Variants in NAV2 observed in about 807,000 individuals in gnomAD.
NAV2 encodes the protein helicase, APC down-regulated 1.
A neutral mutation model predicts 223.2 loss-of-function variants in NAV2; 54 were observed. The observed-to-expected ratio is 0.24, with a 90% CI of 0.19 to 0.30. The LOEUF (loss-of-function observed/expected upper bound fraction) is 0.30, where lower values mean the gene tolerates loss of function less well. Among genes scored for constraint, NAV2 ranks in the 10% least tolerant of loss-of-function variants. NAV2 has a pLI of 1.00. For synonymous variants in NAV2, 1,279 were observed against 1,239.3 expected, an observed-to-expected ratio of 1.03 and a Z score of -0.67; for missense variants, 2,806 against 3,147.5, an observed-to-expected ratio of 0.89 and a Z score of 2.60.
chr11:19,529,440 GC>G (rs11342978), intron 1 of NAV2, among the ~76,000 whole-genome samples: 8,587 of 152,246 alleles, frequency 0.056, 829 homozygotes, highest in African/African-American at 0.2. Flanking sequence ...CCTCTGGGAG[GC>G]CCCCCAATAC....
intron 1 of NAV2, among the ~76,000 whole-genome samples, chr11:19,609,407 A>G (rs1015701554): frequency 3.5e-4 from 53 of 152,346 alleles, no homozygotes; most frequent in African/African-American, 1.3e-3. Context: ...AGTCTGTAGA[A>G]ACACAATGAA....
At chr11:19,855,725 C>T (rs1007325042) in intron 3 of NAV2, among the ~76,000 whole-genome samples, 3 of 152,216 alleles carry the variant, frequency 2.0e-5, no homozygotes, top group Non-Finnish European at 4.4e-5. Context: ...CCTCAGGCCC[C>T]CTTCTGTCTC....
At position 20,018,353 on chromosome 11, in the gene NAV2, C is replaced by CAAA. The variant is rs34251713; in HGVS notation, c.2769-17587_2769-17585dup. Among the ~76,000 whole-genome samples the CAAA allele has an allele frequency of 1.7e-3, 146 of 87,302 alleles. 4 individuals carry two copies. Among genetic ancestry groups the CAAA allele is most frequent in the Middle Eastern group, 0.016 (2 of 128 alleles). 57.3% of individuals were successfully genotyped at this position (87,302 alleles called of 152,430 possible). A position where few individuals can be genotyped will look rare whatever the true frequency, so the allele number is the denominator to read the frequency against. Reference sequence around the variant, plus strand: ...TGGGCGACAGAGTGAGATTCCATCTCAAAAAAAAAAAAAAAAAAAAAGTGA... The same window carrying CAAA: ...TGGGCGACAGAGTGAGATTCCATCTCAAAAAAAAAAAAAAAAAAAAAAAAGTGA... On this transcript the variant is annotated intron_variant, in intron 11 of 37. Coordinates refer to ENST00000349880, the MANE Select transcript of NAV2 (RefSeq NM_145117.5).
chr11:19,903,167 G>A (rs1591159492), intron 6 of NAV2, among the ~76,000 whole-genome samples: 2 of 152,216 alleles, frequency 1.3e-5, no homozygotes, highest in South Asian at 2.1e-4. Flanking sequence ...TGTAGCCCAC[G>A]TGCCAGGGAG....
At chr11:19,389,963 G>A in intron 1 of NAV2, among the ~76,000 whole-genome samples, 1 of 152,220 alleles carries the variant, frequency 6.6e-6, no homozygotes, top group East Asian at 1.9e-4. Flanking sequence ...TCATGGCCCA[G>A]GCTGCTCTGT....
chr11:19,680,999 T>C lies in NAV2; in HGVS notation c.76-151485T>C, dbSNP rs1232930363. On this transcript the variant is annotated intron_variant, in intron 1 of 37. Transcript: ENST00000360655. ...GCACTTAGCGGGTGCCAGGCACTGT[T>C]CTAAGCATTTTACATTAAGTAATTA... 2.6e-5 allele frequency among the ~76,000 whole-genome samples: 4 copies of C among 152,356 alleles called. No homozygotes were observed. The East Asian group carries it at 7.7e-4, about 29-fold the overall frequency.
At chr11:20,108,128 T>G (rs2062302577) in intron 36 of NAV2, among the ~76,000 whole-genome samples, 1 of 152,226 alleles carries the variant, frequency 6.6e-6, no homozygotes, top group African/African-American at 2.4e-5. Context: ...CTTCACAGTT[T>G]GCAAAATATT....
upstream of NAV2, among the ~76,000 whole-genome samples, chr11:19,346,187 C>G (rs1852995827): frequency 3.3e-5 from 5 of 152,160 alleles, no homozygotes; most frequent in South Asian, 1.0e-3. Context: ...CGTCTGTGAT[C>G]TGAGCTTCTG....
At chr11:19,411,726 G>T (rs553417978) in intron 1 of NAV2, among the ~76,000 whole-genome samples, 7 of 152,194 alleles carry the variant, frequency 4.6e-5, no homozygotes, top group African/African-American at 1.4e-4. Context: ...ATAGCCAAGG[G>T]CTATCTAAAT....
chr11:20,047,067 A>AT (rs1289261200), intron 14 of NAV2, among the ~76,000 whole-genome samples: 17 of 151,732 alleles, frequency 1.1e-4, no homozygotes, highest in African/African-American at 2.4e-4. Flanking sequence ...TTCAGTAACG[A>AT]TTTTTTTTTC....
At position 19,939,725 on chromosome 11, in the gene NAV2, C is replaced by T. The variant is rs1182707370; in HGVS notation, c.2098C>T (p.Pro700Ser). The T allele has an allele frequency of 1.9e-6, 3 of 1,614,110 alleles. No individual in the cohort carries two copies. The highest frequency in any genetic ancestry group is 1.7e-6 in the Non-Finnish European group (2 of 1,179,996). The change falls in exon 8 of 38, where the codon CCC (proline) becomes TCC (serine). Residue 700 changes from proline (P) to serine (S), a missense_variant. By Grantham distance (74) the Pro-to-Ser change is moderately conservative. Coordinates refer to ENST00000349880, the MANE Select transcript of NAV2 (RefSeq NM_145117.5). ...AAGCTCAACAGGTGTGAGCGTGGAG[C>T]CCAGCCACTTCACCAAGACTGGACA... is the stretch of plus-strand genomic sequence containing the variant. ...ESSSTGVSVE[P>S]SHFTKTGQPA...
At chr11:19,878,054 G>A (rs902997967) in intron 4 of NAV2, among the ~76,000 whole-genome samples, 2 of 152,154 alleles carry the variant, frequency 1.3e-5, no homozygotes, top group Non-Finnish European at 2.9e-5. Context: ...AGACTGAGGG[G>A]CTGGCCCACC....
chr11:20,043,362 T>C (rs1198670796), intron 12 of NAV2, among the ~76,000 whole-genome samples: 1 of 152,234 alleles, frequency 6.6e-6, no homozygotes, highest in African/African-American at 2.4e-5. Context: ...CATCTCCATC[T>C]GCTCTGCCCC....
chr11:19,446,200 A>C (rs984991755), intron 1 of NAV2, among the ~76,000 whole-genome samples: 2 of 152,192 alleles, frequency 1.3e-5, no homozygotes, highest in African/African-American at 4.8e-5. Flanking sequence ...AGGTAATGAA[A>C]GTGGAACCAA....
intron 1 of NAV2, among the ~76,000 whole-genome samples, chr11:19,681,868 G>T (rs972420166): frequency 6.6e-6 from 1 of 152,148 alleles, no homozygotes; most frequent in Non-Finnish European, 1.5e-5. Context: ...CAGGTGTCTG[G>T]CAGCCTCAGG....
At chr11:19,609,668 C>T (rs1367217498) in intron 1 of NAV2, among the ~76,000 whole-genome samples, 1 of 152,214 alleles carries the variant, frequency 6.6e-6, no homozygotes, top group Non-Finnish European at 1.5e-5. Flanking sequence ...AGACTAACCA[C>T]TGCATGCCTC....
chr11:20,079,898 A>G (rs1262693309), intron 24 of NAV2, among the ~76,000 whole-genome samples, 166 bp from the exon 25 acceptor site: 1 of 152,192 alleles, frequency 6.6e-6, no homozygotes, highest in Non-Finnish European at 1.5e-5. Flanking sequence ...CAATGCACTC[A>G]CCTATTCAAG....
chr11:19,892,499 C>G lies in NAV2; in HGVS notation c.836C>G (p.Thr279Ser). ...GSEAKTRGGSTTANNRRSQSF... is the reference protein window; with the variant it reads ...GSEAKTRGGSSTANNRRSQSF... ...GAGGCCAAAACACGCGGAGGGTCAA[C>G]TACTGCTAACAACCGACGCAGCCAG... Residue 279 changes from threonine (T) to serine (S), a missense_variant, in exon 6 of 38, where the codon ACT becomes AGT. Around this residue, in one of 4 missense-constraint regions of NAV2, gnomAD observed 1,167 missense variants for 1,180.5 expected, o/e 0.99. Transcript: ENST00000349880. The G allele has an allele frequency of 1.2e-6, 2 of 1,614,104 alleles. No homozygotes were observed. The highest frequency in any genetic ancestry group is 1.6e-4 in the Middle Eastern group (1 of 6,084).
intron 3 of NAV2, among the ~76,000 whole-genome samples, chr11:19,850,653 A>G (rs2061061025): frequency 6.6e-6 from 1 of 152,218 alleles, no homozygotes; most frequent in Non-Finnish European, 1.5e-5. Context: ...CAGTTTATCC[A>G]GAGGACCCAA....
Sources: gnomAD v4.1 joint callset for allele counts (sites outside exome capture counted in the v4.1 genomes callset) on GRCh38, gnomAD v4.1.1 for gene constraint, gnomAD v4.1.1 regional missense constraint, MANE v1.5 for transcripts, NCBI Gene and HGNC (gene_info 2026-07-23, HGNC 2026-07-21) for gene names.